Variants in BRD4 observed in about 807,000 individuals in gnomAD.
The protein encoded by BRD4 is bromodomain containing 4, also known as bromodomain-containing protein 4.
Under a neutral mutation model 142.1 loss-of-function variants are expected in BRD4, and 16 were observed. The observed-to-expected ratio is 0.11, with a 90% CI of 0.08 to 0.17. The LOEUF is 0.17. BRD4 is among the 10% of genes least tolerant of loss of function. The pLI, the probability that BRD4 is intolerant of heterozygous loss-of-function variation, is 1.00. For synonymous variants in BRD4, 833 were observed against 707.5 expected (o/e 1.18, Z -2.82); for missense variants, 1,424 against 1,810.9 (o/e 0.79, Z 3.88).
intron 1 of BRD4, among the ~76,000 whole-genome samples, chr19:15,314,307 C>T (rs1175767961): frequency 1.3e-5 from 2 of 152,192 alleles, no homozygotes; most frequent in African/African-American, 2.4e-5. Flanking sequence ...AATTTTCTAG[C>T]CTCCAAGAAC....
chr19:15,310,723 G>A (rs2047962750), intron 1 of BRD4, among the ~76,000 whole-genome samples: 1 of 150,986 alleles, frequency 6.6e-6, no homozygotes, highest in Non-Finnish European at 1.5e-5. Flanking sequence ...TCAAACTCCT[G>A]ATCTCAGGTG....
rs570582874 is a variant in BRD4, at chr19:15,310,454, G to A, written c.-35+21836C>T. Among the ~76,000 whole-genome samples, 190 of 142,406 alleles carry A rather than the reference G, an allele frequency of 1.3e-3. 1 individual carries two copies. The highest frequency in any genetic ancestry group is 4.8e-3 in the African/African-American group (183 of 38,462). The allele number at this position is 142,406 out of a possible 152,430, so 93.4% of individuals were successfully genotyped here. The stretch of plus-strand genomic sequence containing the variant: ...AGGCTCACTGCAAGCTCCGCCTCCC[G>A]GGTTCACGCCATTCTCCTGCCTCAG... On this transcript the variant is annotated intron_variant, in intron 1 of 19. Coordinates refer to ENST00000679869, the MANE Select transcript of BRD4 (RefSeq NM_001379291.1).
rs545785918 is a variant in BRD4 at position 15,237,826 on chromosome 19, G to A, written c.*551C>T. 2 of 234,212 alleles carry A rather than the reference G, an allele frequency of 8.5e-6. No individual in the cohort carries two copies. Among genetic ancestry groups the A allele is most frequent in the South Asian group, 3.5e-4 (2 of 5,682 alleles). The allele number at this position is 234,212 out of a possible 1,614,324, so 14.5% of individuals were successfully genotyped here. A position where few individuals can be genotyped will look rare whatever the true frequency, so the allele number is the denominator to read the frequency against. On this transcript the variant is annotated 3_prime_UTR_variant, in exon 20 of 20. Coordinates refer to ENST00000679869, the MANE Select transcript of BRD4 (RefSeq NM_001379291.1). ...AGCGGCTCTCAATTAAAGGCTTGTG[G>A]GGGAGGGTCGGGGGGTCTGTTCAAG...
At position 15,327,890 on chromosome 19, in the gene BRD4, T is replaced by C. The variant is rs1166200426; in HGVS notation, c.-35+4400A>G. ...AAGTGGCGGGGGGTGGGCAGGAGCA[T>C]GGGGAATGATAGGTAATGGATTTCT... On this transcript the variant is annotated intron_variant, in intron 1 of 19. Transcript: ENST00000679869. Among the ~76,000 whole-genome samples the C allele has an allele frequency of 4.7e-5, 4 of 84,388 alleles. No individual in the cohort carries two copies. The South Asian group carries it at 1.4e-3, about 29-fold the overall frequency. The allele number at this position is 84,388 out of a possible 152,430, so 55.4% of individuals were successfully genotyped here. A position where few individuals can be genotyped will look rare whatever the true frequency, so the allele number is the denominator to read the frequency against.
chr19:15,310,357 TTCCCCCCCCCCC>T (rs1165998117), intron 1 of BRD4, among the ~76,000 whole-genome samples: 17 of 51,308 alleles, frequency 3.3e-4, no homozygotes, highest in Non-Finnish European at 5.7e-4. Context: ...GATTTTTGGA[TTCCCCCCCCCCC>T]CCCCCCCCCC....
chr19:15,258,840 G>A (rs2047439609), intron 7 of BRD4, among the ~76,000 whole-genome samples: 1 of 152,120 alleles, frequency 6.6e-6, no homozygotes, highest in African/African-American at 2.4e-5. Flanking sequence ...CCTCCCACAA[G>A]GTGGTCTACA....
At chr19:15,281,298 GC>G (rs1235697074) in intron 1 of BRD4, among the ~76,000 whole-genome samples, 7 of 151,126 alleles carry the variant, frequency 4.6e-5, no homozygotes, top group Admixed American at 4.6e-4. Flanking sequence ...CCTGCAACTT[GC>G]CTTGGATTAG....
chr19:15,256,500 T>G (rs2047410335), intron 8 of BRD4, among the ~76,000 whole-genome samples: 1 of 152,154 alleles, frequency 6.6e-6, no homozygotes, highest in African/African-American at 2.4e-5. Flanking sequence ...AGTGTCTTCC[T>G]CACCAGAGGA....
At position 15,326,837 on chromosome 19, in the gene BRD4, G is replaced by A. The variant is rs532832956; in HGVS notation, c.-35+5453C>T. 2.6e-5 allele frequency among the ~76,000 whole-genome samples: 4 copies of A among 152,282 alleles called. 1 individual carries two copies. The highest frequency in any genetic ancestry group is 2.6e-4 in the Admixed American group (4 of 15,296). ...CATTCCATGAATTATGCTAGGACAT[G>A]TGCACGTGGTTTAATTGAGGTTGGT... On this transcript the variant is annotated intron_variant, in intron 1 of 19. Transcript: ENST00000679869.
chr19:15,264,591 G>A lies in BRD4; in HGVS notation c.1025C>T (p.Pro342Leu). The change falls in exon 6 of 20, where the codon CCA becomes CTA. Residue 342 changes from proline (P) to leucine (L), a missense_variant. Physicochemically the swap from Pro to Leu is moderately conservative, Grantham distance 98. Transcript: ENST00000679869. ...KKDVPDSQQH[P>L]APEKSSKVSE... ...GACCTTGCTGCTCTTCTCTGGTGCT[G>A]GGTGCTGCTGAGAGTCGGGCACGTC... 2 of 1,614,192 alleles carry A rather than the reference G, an allele frequency of 1.2e-6. No individual in the cohort carries two copies. The highest frequency in any genetic ancestry group is 1.7e-6 in the Non-Finnish European group (2 of 1,180,034).
At chr19:15,249,527 C>G (rs996825087) in intron 11 of BRD4, among the ~76,000 whole-genome samples, 1 of 152,200 alleles carries the variant, frequency 6.6e-6, no homozygotes, top group African/African-American at 2.4e-5. Flanking sequence ...GCCTTGGAAA[C>G]CGCCCCCAGC....
At position 15,243,880 on chromosome 19, in the gene BRD4, T is replaced by TC. The variant is rs542802182; in HGVS notation, c.2581+350dup. On this transcript the variant is annotated intron_variant, in intron 13 of 19. Transcript: ENST00000679869. ...GGAGGAATCCCATCTCATGAGTGCA[T>TC]CCCCCAACCCCTGATGAGAAAAGCT... 3.9e-4 allele frequency among the ~76,000 whole-genome samples: 60 copies of TC among 152,184 alleles called. 1 individual carries two copies. The highest frequency in any genetic ancestry group is 8.5e-4 in the Admixed American group (13 of 15,284).
intron 1 of BRD4, among the ~76,000 whole-genome samples, chr19:15,310,418 T>G (rs1043770043): frequency 8.3e-6 from 1 of 120,742 alleles, no homozygotes; most frequent in African/African-American, 3.1e-5. Flanking sequence ...TGGAGTGCAG[T>G]GGCGCGATCT....
intron 4 of BRD4, among the ~76,000 whole-genome samples, 171 bp from the exon 5 acceptor site, chr19:15,265,814 G>A (rs928872364): frequency 6.6e-6 from 1 of 152,118 alleles, no homozygotes; most frequent in Non-Finnish European, 1.5e-5. Context: ...TGTCCCTGGG[G>A]CTCAAAGAAC....
chr19:15,316,356 C>T (rs1173006092), intron 1 of BRD4, among the ~76,000 whole-genome samples: 1 of 151,822 alleles, frequency 6.6e-6, no homozygotes, highest in African/African-American at 2.4e-5. Context: ...AGTGAAGGCC[C>T]GGAGCGGTGG....
chr19:15,252,773 G>C (rs1426308249), intron 11 of BRD4, among the ~76,000 whole-genome samples: 4 of 152,172 alleles, frequency 2.6e-5, no homozygotes, highest in African/African-American at 9.7e-5. Flanking sequence ...CTGGAGTCCT[G>C]GAGGGTCCTT....
chr19:15,265,346 A>G lies in BRD4; in HGVS notation c.849+8T>C. On this transcript the variant is annotated splice_region_variant and intron_variant, in intron 5 of 19. Coordinates refer to ENST00000679869, the MANE Select transcript of BRD4 (RefSeq NM_001379291.1). ...GTGAAGCAGCCCTCCAGAGTCCAGG[A>G]GACTCACCTTCACAGGCTGTGGGGT... 1.3e-6 allele frequency: 2 copies of G among 1,499,308 alleles called. No individual in the cohort carries two copies. Among genetic ancestry groups the G allele is most frequent in the Non-Finnish European group, 1.8e-6 (2 of 1,126,770 alleles). 92.9% of individuals were successfully genotyped at this position (1,499,308 alleles called of 1,614,324 possible).
chr19:15,331,320 C>G (rs944044869), intron 1 of BRD4, among the ~76,000 whole-genome samples: 2 of 152,140 alleles, frequency 1.3e-5, no homozygotes, highest in Non-Finnish European at 2.9e-5. Context: ...GCATCTCAGC[C>G]GAGTGAAGCC....
intron 1 of BRD4, among the ~76,000 whole-genome samples, chr19:15,275,304 G>GT (rs1319921156): frequency 2.0e-5 from 3 of 152,234 alleles, no homozygotes; most frequent in African/African-American, 4.8e-5. Context: ...GTGATGCACA[G>GT]TAACAGTTAA....
Sources: gnomAD v4.1 joint callset for allele counts (sites outside exome capture counted in the v4.1 genomes callset) on GRCh38, gnomAD v4.1.1 for gene constraint, MANE v1.5 for transcripts, NCBI Gene and HGNC (gene_info 2026-07-23, HGNC 2026-07-21) for gene names.